Variants in LGALS3BP observed in about 807,000 individuals in gnomAD.
The protein encoded by LGALS3BP is galectin-3-binding protein.
In LGALS3BP, 25 loss-of-function variants were observed where a neutral mutation model predicts 22.9. That is an observed-to-expected ratio of 1.09 (90% confidence interval 0.80 to 1.53). The LOEUF (loss-of-function observed/expected upper bound fraction) is 1.53, where lower values mean the gene tolerates loss of function less well. Among genes scored for constraint, LGALS3BP ranks in the 40% most tolerant of loss-of-function variants. The pLI, the probability that LGALS3BP is intolerant of heterozygous loss-of-function variation, is 0.00. For missense variants in LGALS3BP, 718 were observed against 752.0 expected (o/e 0.95, Z 0.53); for synonymous variants, 335 against 331.1 (o/e 1.01, Z -0.13).
At chr17:78,977,255 G>C in intron 1 of LGALS3BP, 41 bp from the exon 2 acceptor site, 1 of 1,544,584 alleles carries the variant, frequency 6.5e-7, no homozygotes, top group Non-Finnish European at 8.9e-7. Context: ...ACGGGAGCCA[G>C]ATGGCCCGAG....
chr17:78,977,959 C>T lies in LGALS3BP; in HGVS notation c.-23-745G>A, dbSNP rs1464356987. 3.3e-5 allele frequency among the ~76,000 whole-genome samples: 5 copies of T among 152,322 alleles called. No individual in the cohort carries two copies. In the East Asian group the frequency reaches 9.6e-4, roughly 29 times the overall value. On this transcript the variant is annotated intron_variant, in intron 1 of 5. Coordinates refer to ENST00000262776, the MANE Select transcript of LGALS3BP (RefSeq NM_005567.4). ...GGAGGTCCGGGTCTCCACCTTCTGG[C>T]CTGGTGTTCTTGCCTCCGTGTAATT...
chr17:78,972,249 T>C lies in LGALS3BP; in HGVS notation c.1085A>G (p.Asn362Ser). ...CTCGTGGCTCCAGTACAGGGACAGG[T>C]TGAACTGCAGCTCAAAGAGCTCCTC... is the stretch of plus-strand genomic sequence containing the variant. ...LPEELFELQFNLSLYWSHEAL... is the reference protein window; with the variant it reads ...LPEELFELQFSLSLYWSHEAL... The change falls in exon 6 of 6, where the codon AAC becomes AGC. Residue 362 changes from asparagine to serine, a missense_variant. By Grantham distance (46) the Asn-to-Ser change is conservative. Transcript: ENST00000262776. This position sits in a 1 kb window ranked among gnomAD's most constrained non-coding sequence, Gnocchi z 5.1. The C allele has an allele frequency of 6.2e-7, 1 of 1,613,640 alleles. No individual in the cohort carries two copies. The highest frequency in any genetic ancestry group is 8.5e-7 in the Non-Finnish European group (1 of 1,179,928).
rs60470107 is a variant in LGALS3BP, at chr17:78,975,791, CAAAAAAAAAAAAAAAAAA to C, written c.244+156_244+173del. Among the ~76,000 whole-genome samples the C allele has an allele frequency of 1.7e-4, 9 of 52,248 alleles. 1 individual carries two copies. The highest frequency in any genetic ancestry group is 4.7e-4 in the African/African-American group (7 of 14,812). The allele number at this position is 52,248 out of a possible 152,430, so 34.3% of individuals were successfully genotyped here. ...TGGGCAACAGAGCGAGACTCCATCTCAAAAAAAAAAAAAAAAAAAAAAAAAAAAAAAAGTGTTTGCTCT... is the reference window on the plus strand; with the variant it reads ...TGGGCAACAGAGCGAGACTCCATCTCAAAAAAAAAAAAAAGTGTTTGCTCT... On this transcript the variant is annotated intron_variant, in intron 3 of 5. Transcript: ENST00000262776.
At chr17:78,977,309 G>C (rs1330726037) in intron 1 of LGALS3BP, 95 bp from the exon 2 acceptor site, 15 of 975,914 alleles carry the variant, frequency 1.5e-5, no homozygotes, top group Non-Finnish European at 1.7e-5. Context: ...GCCCAACCTG[G>C]GCTGTGTGGC....
chr17:78,978,037 G>A (rs574503406), intron 1 of LGALS3BP, among the ~76,000 whole-genome samples: 3 of 152,260 alleles, frequency 2.0e-5, no homozygotes, highest in African/African-American at 4.8e-5. Flanking sequence ...CCAATGGAGA[G>A]ACAGTTATGG....
chr17:78,974,664 G>C, intron 4 of LGALS3BP, 24 bp downstream of exon 4: 1 of 1,608,584 alleles, frequency 6.2e-7, no homozygotes, highest in East Asian at 2.2e-5. Context: ...TGGGGCCTCC[G>C]CAGGGAGGTG....
chr17:78,974,666 A>G, intron 4 of LGALS3BP, 22 bp downstream of exon 4: 1 of 1,609,184 alleles, frequency 6.2e-7, no homozygotes, highest in East Asian at 2.2e-5. Context: ...GGGCCTCCGC[A>G]GGGAGGTGCG....
intron 3 of LGALS3BP, among the ~76,000 whole-genome samples, 163 bp downstream of exon 3, chr17:78,975,791 CAAAAAAAAAAA>C (rs60470107): frequency 2.1e-4 from 11 of 52,216 alleles, no homozygotes; most frequent in South Asian, 1.1e-3. Context: ...GACTCCATCT[CAAAAAAAAAAA>C]AAAAAAAAAA....
Position 78,976,080 on chromosome 17 carries a change from G to T in LGALS3BP, c.129C>A (p.Gly43=). ...NQGRVEIFYR[G]QWGTVCDNLW... ...GGTTGTCACACACAGTGCCCCACTG[G>T]CCTCTGTAGAAGATCTCCACGCGGC... The change falls in exon 3 of 6, where the codon GGC becomes GGA. Residue 43 remains glycine, a synonymous_variant. Transcript: ENST00000262776. This position sits in a 1 kb window ranked among gnomAD's most constrained non-coding sequence, Gnocchi z 4.6. 1 of 1,610,568 alleles carries T rather than the reference G, an allele frequency of 6.2e-7. No individual in the cohort carries two copies.
At position 78,971,808 on chromosome 17, in the gene LGALS3BP, G is replaced by A. The variant is rs1228193553; in HGVS notation, c.1526C>T (p.Ser509Phe). The change falls in exon 6 of 6, where the codon TCT becomes TTT. Residue 509 changes from serine (S) to phenylalanine (F), a missense_variant. By Grantham distance (155) the Ser-to-Phe change is radical. Coordinates refer to ENST00000262776, the MANE Select transcript of LGALS3BP (RefSeq NM_005567.4). The surrounding 1 kb of genome is among the most constrained non-coding windows in gnomAD (Gnocchi z 5.6). ...GGCAATGGTGCGATCTGAGCCGCCAGACTTGGTGAGGCCCAGGACAGGGAG... is the reference window on the plus strand; with the variant it reads ...GGCAATGGTGCGATCTGAGCCGCCAAACTTGGTGAGGCCCAGGACAGGGAG... Reference protein sequence around the residue: ...DELPVLGLTKSGGSDRTIAYE... With the variant: ...DELPVLGLTKFGGSDRTIAYE... 1 of 1,614,148 alleles carries A rather than the reference G, an allele frequency of 6.2e-7. No individual in the cohort carries two copies. The highest frequency in any genetic ancestry group is 1.1e-5 in the South Asian group (1 of 91,088).
Position 78,973,355 on chromosome 17 carries a change from AGGGACAAGAG to A in LGALS3BP, c.377-143_377-134del. ...ACTCTGGAAGGCTCCTGGGAAGACG[AGGGACAAGAG>A]AGACCGGAAGTGTCGGATTCCTGGA... On this transcript the variant is annotated intron_variant, in intron 4 of 5. Coordinates refer to ENST00000262776, the MANE Select transcript of LGALS3BP (RefSeq NM_005567.4). This position sits in a 1 kb window ranked among gnomAD's most constrained non-coding sequence, Gnocchi z 5.8. The A allele has an allele frequency of 9.3e-7, 1 of 1,075,848 alleles. No homozygotes were observed. The highest frequency in any genetic ancestry group is 1.3e-6 in the Non-Finnish European group (1 of 774,720). The allele number at this position is 1,075,848 out of a possible 1,614,324, so 66.6% of individuals were successfully genotyped here. A position where few individuals can be genotyped will look rare whatever the true frequency, so the allele number is the denominator to read the frequency against.
In LGALS3BP at chr17:78,973,992, C is replaced by T. The variant is rs2070697734; in HGVS notation, c.376+696G>A. Among the ~76,000 whole-genome samples, 1 of 152,354 alleles carries T rather than the reference C, an allele frequency of 6.6e-6. No homozygotes were observed. Among genetic ancestry groups the T allele is most frequent in the South Asian group, 2.1e-4 (1 of 4,826 alleles). ...TGTGCTCCCCGCCGCCTCCCCTGGC[C>T]CCCGACAGCCCCATGGCGTCTCCTG... is the stretch of plus-strand genomic sequence containing the variant. On this transcript the variant is annotated intron_variant, in intron 4 of 5. Coordinates refer to ENST00000262776, the MANE Select transcript of LGALS3BP (RefSeq NM_005567.4). This position sits in a 1 kb window ranked among gnomAD's most constrained non-coding sequence, Gnocchi z 5.8.
chr17:78,971,882 G>A lies in LGALS3BP; in HGVS notation c.1452C>T (p.Pro484=). The A allele has an allele frequency of 6.2e-7, 1 of 1,614,172 alleles. No homozygotes were observed. The highest frequency in any genetic ancestry group is 8.5e-7 in the Non-Finnish European group (1 of 1,180,018). Residue 484 remains proline, a synonymous_variant, in exon 6 of 6, where the codon CCC becomes CCT. Transcript: ENST00000262776. The surrounding 1 kb of genome is among the most constrained non-coding windows in gnomAD (Gnocchi z 5.6). ...CGTAGTTCCAGCAGCTCTGGATGGT[G>A]GGGAGGTAGACCAGGGACCAGGACA... The part of the protein sequence containing the change: ...KRVSWSLVYL[P]TIQSCWNYGF...
chr17:78,972,773 C>A lies in LGALS3BP; in HGVS notation c.630-69G>T. The stretch of plus-strand genomic sequence containing the variant: ...CAGGGGAGCCCTGGGCCCAACTGTC[C>A]AACACAGCCACCTGAGTGCACACAG... On this transcript the variant is annotated intron_variant, in intron 5 of 5. Transcript: ENST00000262776. The surrounding 1 kb of genome is among the most constrained non-coding windows in gnomAD (Gnocchi z 5.1). 1 of 1,495,572 alleles carries A rather than the reference C, an allele frequency of 6.7e-7. No homozygotes were observed. The highest frequency in any genetic ancestry group is 1.4e-5 in the South Asian group (1 of 74,004). 92.6% of individuals were successfully genotyped at this position (1,495,572 alleles called of 1,614,324 possible).
intron 2 of LGALS3BP, 49 bp downstream of exon 2, chr17:78,977,091 C>A: frequency 6.2e-7 from 1 of 1,601,402 alleles, no homozygotes; most frequent in Non-Finnish European, 8.6e-7. Context: ...CCAGGGTGCA[C>A]CAGCCTTCCA....
At position 78,971,490 on chromosome 17, in the gene LGALS3BP, G is replaced by A. The variant is rs973722294; in HGVS notation, c.*86C>T. ...TGGTGGCCGGTTGTTGAAGGTCATTGCAGAGAGGAAGGAAGCCGAGGAGGG... is the reference window on the plus strand; with the variant it reads ...TGGTGGCCGGTTGTTGAAGGTCATTACAGAGAGGAAGGAAGCCGAGGAGGG... On this transcript the variant is annotated 3_prime_UTR_variant, in exon 6 of 6. Transcript: ENST00000262776. The surrounding 1 kb of genome is among the most constrained non-coding windows in gnomAD (Gnocchi z 5.6). 2.7e-5 allele frequency: 35 copies of A among 1,291,422 alleles called. No homozygotes were observed. The South Asian group carries it at 5.0e-4, about 18-fold the overall frequency. The allele number at this position is 1,291,422 out of a possible 1,614,324, so 80.0% of individuals were successfully genotyped here.
rs987339953 is a variant in LGALS3BP, at chr17:78,972,039, T to C, written c.1295A>G (p.Tyr432Cys). 4.3e-6 allele frequency: 7 copies of C among 1,613,986 alleles called. No individual in the cohort carries two copies. The highest frequency in any genetic ancestry group is 1.7e-5 in the Admixed American group (1 of 59,998). Residue 432 changes from tyrosine to cysteine, a missense_variant, in exon 6 of 6, where the codon TAT becomes TGT. Transcript: ENST00000262776. This position sits in a 1 kb window ranked among gnomAD's most constrained non-coding sequence, Gnocchi z 5.1. ...SWSARKSQLV[Y>C]QSRRGPLVKY... is the part of the protein sequence containing the mutation. ...GACCAAAGGCCCCCGTCTGGACTGA[T>C]AGACCAGTTGTGACTTCCGTGCACT...
In LGALS3BP at chr17:78,973,107, C is replaced by T. The variant is rs780912263; in HGVS notation, c.492G>A (p.Glu164=). Residue 164 remains glutamate, a synonymous_variant, in exon 5 of 6, where the codon GAG becomes GAA. Transcript: ENST00000262776. The surrounding 1 kb of genome is among the most constrained non-coding windows in gnomAD (Gnocchi z 5.8). ...DLSISVNVQG[E]DALGFCGHTV... The stretch of plus-strand genomic sequence containing the variant: ...TGTGGCCACAGAAGCCCAGGGCGTC[C>T]TCGCCCTGCACATTCACGCTGATGG... The T allele has an allele frequency of 6.2e-7, 1 of 1,613,602 alleles. No individual in the cohort carries two copies. The highest frequency in any genetic ancestry group is 2.2e-5 in the East Asian group (1 of 44,870).
chr17:78,971,693 G>A lies in LGALS3BP; in HGVS notation c.1641C>T (p.Ala547=), dbSNP rs759395211. 3.3e-5 allele frequency: 54 copies of A among 1,613,836 alleles called. No homozygotes were observed. Among genetic ancestry groups the A allele is most frequent in the African/African-American group, 5.3e-5 (4 of 74,912 alleles). Residue 547 remains alanine (A), a synonymous_variant, in exon 6 of 6, where the codon GCC becomes GCT. Transcript: ENST00000262776. The surrounding 1 kb of genome is among the most constrained non-coding windows in gnomAD (Gnocchi z 5.6). ...TGCTCTTCGAGCTGTTGGTGTCCAGGGCACTGGGAATCGCAGCCTTCCAGC... is the reference window on the plus strand; with the variant it reads ...TGCTCTTCGAGCTGTTGGTGTCCAGAGCACTGGGAATCGCAGCCTTCCAGC... The part of the protein sequence containing the change: ...FEGWKAAIPS[A]LDTNSSKSTS...
Sources: gnomAD v4.1 joint callset for allele counts (sites outside exome capture counted in the v4.1 genomes callset) on GRCh38, gnomAD v4.1.1 for gene constraint, Gnocchi (gnomAD v3.1) non-coding constraint, MANE v1.5 for transcripts, NCBI Gene and HGNC (gene_info 2026-07-23, HGNC 2026-07-21) for gene names.